ERC2: variants seen among roughly 807,000 people sequenced by gnomAD.
The protein encoded by ERC2 is ELKS/RAB6-interacting/CAST family member 2.
In ERC2, 42 loss-of-function variants were observed where a neutral mutation model predicts 114.8. The ratio of observed to expected loss-of-function variants is 0.37; its 90% confidence interval spans 0.29 to 0.47. The LOEUF (loss-of-function observed/expected upper bound fraction) is 0.47. ERC2 is among the 20% of genes least tolerant of loss of function. The pLI, the probability that ERC2 is intolerant of heterozygous loss-of-function variation, is 0.99. For synonymous variants in ERC2, 454 were observed against 425.5 expected (o/e 1.07, Z -0.82); for missense variants, 939 against 1,150.7 (o/e 0.82, Z 2.66).
chr3:55,673,059 T>C (rs1009248258), intron 17 of ERC2, among the ~76,000 whole-genome samples: 2 of 152,232 alleles, frequency 1.3e-5, no homozygotes, highest in African/African-American at 4.8e-5. Context: ...AAGCCTGTTA[T>C]ATAATGAGGG....
At chr3:56,232,530 G>T (rs1416101534) in intron 3 of ERC2, among the ~76,000 whole-genome samples, 1 of 151,998 alleles carries the variant, frequency 6.6e-6, no homozygotes, top group African/African-American at 2.4e-5. Flanking sequence ...CCAGGTCTAC[G>T]CATGATTATC....
chr3:56,279,477 A>T (rs1340833552), intron 3 of ERC2, among the ~76,000 whole-genome samples: 1 of 152,192 alleles, frequency 6.6e-6, no homozygotes, highest in Non-Finnish European at 1.5e-5. Context: ...GTGAGGATGG[A>T]GGAGGAAGGA....
chr3:56,004,830 C>T (rs149886510), intron 10 of ERC2, among the ~76,000 whole-genome samples: 28 of 152,114 alleles, frequency 1.8e-4, no homozygotes, highest in Admixed American at 1.7e-3. Flanking sequence ...TCACAAGTCA[C>T]GTACCCTTTT....
chr3:56,411,121 A>G (rs1408427968), intron 2 of ERC2, among the ~76,000 whole-genome samples: 1 of 150,864 alleles, frequency 6.6e-6, no homozygotes, highest in Non-Finnish European at 1.5e-5. Context: ...ACTACAATCA[A>G]TTCCCAAGCA....
At chr3:55,969,894 T>C (rs2069032702) in intron 12 of ERC2, among the ~76,000 whole-genome samples, 1 of 152,182 alleles carries the variant, frequency 6.6e-6, no homozygotes, top group Non-Finnish European at 1.5e-5. Flanking sequence ...AATGAGGCCA[T>C]ACCCTGAGCA....
At chr3:56,352,278 G>A (rs2058583683) in intron 2 of ERC2, among the ~76,000 whole-genome samples, 1 of 152,200 alleles carries the variant, frequency 6.6e-6, no homozygotes, top group Non-Finnish European at 1.5e-5. Context: ...AGGTGGGGAT[G>A]GGGGAAAGTG....
chr3:56,165,426 C>T (rs189901490), intron 4 of ERC2, among the ~76,000 whole-genome samples: 16 of 151,252 alleles, frequency 1.1e-4, no homozygotes, highest in Admixed American at 3.3e-4. Flanking sequence ...CCTATTAACT[C>T]GTCATCTAGC....
intron 12 of ERC2, among the ~76,000 whole-genome samples, chr3:55,972,248 G>A (rs891360113): frequency 6.6e-6 from 1 of 152,126 alleles, no homozygotes; most frequent in African/African-American, 2.4e-5. Flanking sequence ...ATAACAAAAT[G>A]CTTTTTATTT....
intron 1 of ERC2, among the ~76,000 whole-genome samples, chr3:56,440,449 G>A (rs1375305485): frequency 6.6e-6 from 1 of 151,906 alleles, no homozygotes; most frequent in African/African-American, 2.4e-5. Context: ...TCGGGAGGCT[G>A]AGGCAGGAGA....
At chr3:55,965,155 G>A (rs2068657015) in intron 12 of ERC2, among the ~76,000 whole-genome samples, 1 of 152,182 alleles carries the variant, frequency 6.6e-6, no homozygotes, top group African/African-American at 2.4e-5. Context: ...CTCAAGTGGA[G>A]GAAATTATAC....
intron 12 of ERC2, among the ~76,000 whole-genome samples, chr3:55,983,563 G>A (rs1016889509): frequency 2.0e-4 from 31 of 151,964 alleles, no homozygotes; most frequent in Admixed American, 1.2e-3. Flanking sequence ...AAGCATGAGA[G>A]TCTACATAGA....
At chr3:55,721,817 G>A (rs2064571884) in intron 15 of ERC2, among the ~76,000 whole-genome samples, 1 of 152,210 alleles carries the variant, frequency 6.6e-6, no homozygotes, top group Admixed American at 6.5e-5. Context: ...GCCTGGCTTT[G>A]TGATCCACAT....
intron 17 of ERC2, among the ~76,000 whole-genome samples, chr3:55,562,215 G>C (rs2056073017): frequency 6.6e-6 from 1 of 151,038 alleles, no homozygotes; most frequent in Non-Finnish European, 1.5e-5. Flanking sequence ...GCAATGGTGT[G>C]ATCCCTGCTC....
chr3:55,730,060 A>G (rs2065161712), intron 15 of ERC2, among the ~76,000 whole-genome samples: 1 of 151,988 alleles, frequency 6.6e-6, no homozygotes, highest in Non-Finnish European at 1.5e-5. Flanking sequence ...GGGAGTCACA[A>G]GCTGAACCAC....
intron 12 of ERC2, among the ~76,000 whole-genome samples, chr3:55,972,939 T>C (rs979360120): frequency 2.0e-5 from 3 of 152,082 alleles, no homozygotes; most frequent in Admixed American, 6.6e-5. Flanking sequence ...TGAGAAAACA[T>C]TGGGTGAAGG....
intron 12 of ERC2, among the ~76,000 whole-genome samples, chr3:55,959,973 T>C (rs1018271104): frequency 6.6e-6 from 1 of 152,174 alleles, no homozygotes; most frequent in Non-Finnish European, 1.5e-5. Flanking sequence ...CATATCCACC[T>C]GGTGCCTCAA....
intron 14 of ERC2, among the ~76,000 whole-genome samples, chr3:55,825,659 C>T (rs2060296457): frequency 6.6e-6 from 1 of 152,108 alleles, no homozygotes; most frequent in Admixed American, 6.5e-5. Flanking sequence ...AATGTATAAT[C>T]ATCCTTTAAG....
In ERC2 at chr3:56,397,361, AAAAAG is replaced by A. The variant is rs753810791; in HGVS notation, c.657+36985_657+36989del. Among the ~76,000 whole-genome samples, 710 of 151,930 alleles carry A rather than the reference AAAAAG, an allele frequency of 4.7e-3. 5 individuals are homozygous for A. Among genetic ancestry groups the A allele is most frequent in the Non-Finnish European group, 7.1e-3 (481 of 67,966 alleles). On this transcript the variant is annotated intron_variant, in intron 2 of 17. Coordinates refer to ENST00000288221, the MANE Select transcript of ERC2 (RefSeq NM_015576.3). ...ACATATCTGTCTTAAAAAAAAAAAA[AAAAAG>A]AAGAAGAAGAATTCTCAGTTCCCAG...
At chr3:56,160,932 T>A (rs1358664839) in intron 4 of ERC2, among the ~76,000 whole-genome samples, 1 of 152,164 alleles carries the variant, frequency 6.6e-6, no homozygotes, top group Non-Finnish European at 1.5e-5. Context: ...GGCTTGTTCT[T>A]TTTGCTTAGG....
Sources: allele counts gnomAD v4.1 joint callset (sites outside exome capture counted in the v4.1 genomes callset), GRCh38; gene constraint gnomAD v4.1.1; transcripts MANE v1.5; gene names NCBI Gene and HGNC (gene_info 2026-07-23, HGNC 2026-07-21).